PDLIM3: variants seen among roughly 807,000 people sequenced by gnomAD.
The protein encoded by PDLIM3 is PDZ and LIM domain protein 3.
A neutral mutation model predicts 37.3 loss-of-function variants in PDLIM3; 36 were observed. The ratio of observed to expected loss-of-function variants is 0.97; its 90% CI spans 0.74 to 1.28. The LOEUF is 1.28. Among genes scored for constraint, PDLIM3 ranks in the 50% most tolerant of loss-of-function variants. The pLI is 0.00. For synonymous variants in PDLIM3, 174 were observed against 182.4 expected, an observed-to-expected ratio of 0.95 and a Z score of 0.37; for missense variants, 454 against 485.0, an observed-to-expected ratio of 0.94 and a Z score of 0.60.
At position 185,514,946 on chromosome 4, in the gene PDLIM3, G is replaced by A. The variant is rs2095712679; in HGVS notation, c.331-609C>T. 3 of 1,394,292 alleles carry A rather than the reference G, an allele frequency of 2.2e-6. No individual in the cohort carries two copies. In the African/African-American group the frequency reaches 4.3e-5, roughly 20 times the overall value. 86.4% of individuals were successfully genotyped at this position (1,394,292 alleles called of 1,614,324 possible). A position where few individuals can be genotyped will look rare whatever the true frequency, so the allele number is the denominator to read the frequency against. ...CACAGCGCACAAGAAAGCCATTAGT[G>A]AGCGAAACCAACAGCATCACTACTG... On this transcript the variant is annotated intron_variant, in intron 3 of 7. Transcript: ENST00000284767. The surrounding 1 kb of genome is among the most constrained non-coding windows in gnomAD (Gnocchi z 4.0).
rs1036516852 is a variant in PDLIM3, at chr4:185,501,585, T to TATC, written c.*706_*708dup. Reference sequence around the variant, plus strand: ...TTTAACTAGCAAATTTCAACGCTTCTATCATCAGAAATTTTGTGCTCATAA... The same window carrying TATC: ...TTTAACTAGCAAATTTCAACGCTTCTATCATCATCAGAAATTTTGTGCTCATAA... On this transcript the variant is annotated 3_prime_UTR_variant, in exon 8 of 8. Coordinates refer to ENST00000284767, the MANE Select transcript of PDLIM3 (RefSeq NM_014476.6). The TATC allele has an allele frequency of 6.6e-6, 1 of 152,372 alleles. No homozygotes were observed. The highest frequency in any genetic ancestry group is 6.5e-5 in the Admixed American group (1 of 15,302). The allele number at this position is 152,372 out of a possible 1,614,324, so 9.4% of individuals were successfully genotyped here. A position where few individuals can be genotyped will look rare whatever the true frequency, so the allele number is the denominator to read the frequency against.
At chr4:185,530,809 T>G (rs528384600) in intron 1 of PDLIM3, among the ~76,000 whole-genome samples, 2 of 152,176 alleles carry the variant, frequency 1.3e-5, no homozygotes, top group Non-Finnish European at 2.9e-5. Context: ...ACTCTTCACC[T>G]GTAAATCACT....
At chr4:185,531,470 T>C (rs1238054181) in intron 1 of PDLIM3, among the ~76,000 whole-genome samples, 2 of 152,244 alleles carry the variant, frequency 1.3e-5, no homozygotes, top group East Asian at 3.8e-4. Flanking sequence ...GATTTTTTTA[T>C]AATACAAAGA....
chr4:185,506,970 A>G, intron 5 of PDLIM3: 2 of 294,796 alleles, frequency 6.8e-6, no homozygotes, highest in Non-Finnish European at 1.3e-5. Flanking sequence ...TGATGGATAC[A>G]TAATGATAGA....
rs1561192175 is a variant in PDLIM3, at chr4:185,508,304, C to A, written c.657G>T (p.Leu219Phe). 6.2e-7 allele frequency: 1 copy of A among 1,613,994 alleles called. No individual in the cohort carries two copies. The highest frequency in any genetic ancestry group is 8.5e-7 in the Non-Finnish European group (1 of 1,179,844). ...QVSTALGETP[L>F]MSEPTASVPP... is the part of the protein sequence containing the mutation. ...TTCAAAGAGACTCATATTACCTCAT[C>A]AAAGGTGTTTCCCCTAGGGCTGTTG... The change falls in exon 5 of 8, where the codon TTG (leucine) becomes TTT (phenylalanine). Residue 219 changes from leucine (L) to phenylalanine (F), a missense_variant. Physicochemically the swap from Leu to Phe is conservative, Grantham distance 22. Coordinates refer to ENST00000284767, the MANE Select transcript of PDLIM3 (RefSeq NM_014476.6).
chr4:185,511,567 G>A (rs935126882), intron 4 of PDLIM3, among the ~76,000 whole-genome samples: 2 of 151,964 alleles, frequency 1.3e-5, no homozygotes, highest in African/African-American at 2.4e-5. Flanking sequence ...CATCACGTTG[G>A]CCAGGCTGGT....
chr4:185,513,608 T>A, intron 4 of PDLIM3: 2 of 986,740 alleles, frequency 2.0e-6, no homozygotes, highest in South Asian at 4.7e-5. Flanking sequence ...CTGCGGTAAA[T>A]CATATTCAAT....
Position 185,514,494 on chromosome 4 carries a change from C to T in PDLIM3, c.331-157G>A. 6.8e-7 allele frequency: 1 copy of T among 1,470,342 alleles called. No homozygotes were observed. The highest frequency in any genetic ancestry group is 9.3e-7 in the Non-Finnish European group (1 of 1,073,292). 91.1% of individuals were successfully genotyped at this position (1,470,342 alleles called of 1,614,324 possible). On this transcript the variant is annotated intron_variant, in intron 3 of 7. Coordinates refer to ENST00000284767, the MANE Select transcript of PDLIM3 (RefSeq NM_014476.6). This position sits in a 1 kb window ranked among gnomAD's most constrained non-coding sequence, Gnocchi z 4.0. ...CGGGACCAGGACGATGTCTTCTTTC[C>T]AACCATCTATCCGCTAAACGGTCAG... is the stretch of plus-strand genomic sequence containing the variant.
intron 3 of PDLIM3, chr4:185,516,573 A>C (rs560974320): frequency 6.6e-6 from 1 of 152,340 alleles, no homozygotes; most frequent in South Asian, 2.1e-4. Flanking sequence ...GAGAATATGA[A>C]CAACTTCCTG....
At chr4:185,518,515 A>T (rs2095718108) in intron 3 of PDLIM3, among the ~76,000 whole-genome samples, 2 of 152,124 alleles carry the variant, frequency 1.3e-5, no homozygotes, top group Non-Finnish European at 2.9e-5. Context: ...ATATGAAAAA[A>T]TGGTGGGCAT....
At chr4:185,513,044 T>C in intron 4 of PDLIM3, 6 of 985,470 alleles carry the variant, frequency 6.1e-6, no homozygotes, top group Non-Finnish European at 6.0e-6. Flanking sequence ...TGAGCATTTA[T>C]TGGGCATTTA....
Position 185,514,686 on chromosome 4 carries a change from C to A in PDLIM3, c.331-349G>T. 2 of 1,549,818 alleles carry A rather than the reference C, an allele frequency of 1.3e-6. No individual in the cohort carries two copies. Among genetic ancestry groups the A allele is most frequent in the Non-Finnish European group, 1.7e-6 (2 of 1,145,598 alleles). On this transcript the variant is annotated intron_variant, in intron 3 of 7. Coordinates refer to ENST00000284767, the MANE Select transcript of PDLIM3 (RefSeq NM_014476.6). The surrounding 1 kb of genome is among the most constrained non-coding windows in gnomAD (Gnocchi z 4.0). Reference sequence around the variant, plus strand: ...ACTGTTAGGTACACTGTGGCCAGAACAGAGCCGGATACTTACTTTTGAGGT... The same window carrying A: ...ACTGTTAGGTACACTGTGGCCAGAAAAGAGCCGGATACTTACTTTTGAGGT...
rs1307224239 is a variant in PDLIM3, at chr4:185,508,466, T to G, written c.495A>C (p.Lys165Asn). The G allele has an allele frequency of 6.2e-7, 1 of 1,614,212 alleles. No homozygotes were observed. The highest frequency in any genetic ancestry group is 1.1e-5 in the South Asian group (1 of 91,084). The change falls in exon 5 of 8, where the codon AAA becomes AAC. Residue 165 changes from lysine (K) to asparagine (N), a missense_variant. Transcript: ENST00000284767. ...TVSTICPGDL[K>N]VAAKLAPNIP... ...TGTTAGGGGCCAGCTTAGCCGCAAC[T>G]TTCAAGTCACCTGGGCAAATGGTAC...
intron 1 of PDLIM3, among the ~76,000 whole-genome samples, chr4:185,529,506 G>A (rs911454859): frequency 6.6e-6 from 1 of 152,210 alleles, no homozygotes; most frequent in African/African-American, 2.4e-5. Context: ...CCAAAATCAT[G>A]AGAAACCCCA....
Position 185,535,484 on chromosome 4 carries a change from C to G in PDLIM3, c.-50G>C. On this transcript the variant is annotated 5_prime_UTR_variant, in exon 1 of 8. Coordinates refer to ENST00000284767, the MANE Select transcript of PDLIM3 (RefSeq NM_014476.6). The stretch of plus-strand genomic sequence containing the variant: ...CTCTAAGTGTCCCCGCGCAGGGCAG[C>G]CACTCCGCGCCGGGCGGCGTCCTGG... 6.8e-7 allele frequency: 1 copy of G among 1,476,578 alleles called. No homozygotes were observed. Among genetic ancestry groups the G allele is most frequent in the Non-Finnish European group, 9.2e-7 (1 of 1,090,336 alleles). 91.5% of individuals were successfully genotyped at this position (1,476,578 alleles called of 1,614,324 possible).
intron 7 of PDLIM3, among the ~76,000 whole-genome samples, chr4:185,503,628 C>T (rs935655176): frequency 3.9e-5 from 6 of 152,202 alleles, no homozygotes; most frequent in African/African-American, 1.4e-4. Flanking sequence ...TGACTTGATC[C>T]TGCACTAGCA....
chr4:185,534,867 T>C (rs866370212), intron 1 of PDLIM3, among the ~76,000 whole-genome samples: 1 of 152,136 alleles, frequency 6.6e-6, no homozygotes, highest in South Asian at 2.1e-4. Context: ...CTGCTGAACT[T>C]TTCATCCGGA....
Position 185,504,696 on chromosome 4 carries a change from A to T in PDLIM3, c.794-110T>A. ...AACCTGAAGTTGCATCTGCACCGTC[A>T]TTCCGAGAGGGGCAGGACTGATGCA... On this transcript the variant is annotated intron_variant, in intron 6 of 7. Transcript: ENST00000284767. This position sits in a 1 kb window ranked among gnomAD's most constrained non-coding sequence, Gnocchi z 4.7. 1 of 804,290 alleles carries T rather than the reference A, an allele frequency of 1.2e-6. No individual in the cohort carries two copies. The highest frequency in any genetic ancestry group is 2.1e-6 in the Non-Finnish European group (1 of 473,282). The allele number at this position is 804,290 out of a possible 1,614,324, so 49.8% of individuals were successfully genotyped here.
chr4:185,511,423 G>T (rs768042992), intron 4 of PDLIM3, among the ~76,000 whole-genome samples: 6 of 151,294 alleles, frequency 4.0e-5, no homozygotes, highest in Middle Eastern at 3.4e-3. Context: ...GTGCAGTGGT[G>T]CAATCTTGGC....
Sources: gnomAD v4.1 joint callset for allele counts (sites outside exome capture counted in the v4.1 genomes callset) on GRCh38, gnomAD v4.1.1 for gene constraint, Gnocchi (gnomAD v3.1) non-coding constraint, MANE v1.5 for transcripts, NCBI Gene and HGNC (gene_info 2026-07-23, HGNC 2026-07-21) for gene names.